The following ORC5 variants were observed in gnomAD, a reference collection of about 807,000 sequenced individuals.
ORC5 encodes the protein origin recognition complex subunit 5.
A neutral mutation model predicts 58.8 loss-of-function variants in ORC5; 39 were observed. That is an observed-to-expected ratio of 0.66 (90% CI 0.51 to 0.87). The LOEUF (loss-of-function observed/expected upper bound fraction) is 0.87, where lower values mean the gene tolerates loss of function less well. Ranked by LOEUF, ORC5 falls within the 40% of genes least tolerant of loss-of-function variation. The pLI is 0.00. For synonymous variants in ORC5, 218 were observed against 177.6 expected, an observed-to-expected ratio of 1.23 and a Z score of -1.81; for missense variants, 493 against 506.3, an observed-to-expected ratio of 0.97 and a Z score of 0.25.
intron 8 of ORC5, among the ~76,000 whole-genome samples, chr7:104,172,563 T>A (rs1217412225): frequency 1.3e-5 from 2 of 152,140 alleles, no homozygotes; most frequent in Non-Finnish European, 2.9e-5. Flanking sequence ...TAAAAAAAAT[T>A]GACTAGAAAG....
chr7:104,178,231 G>A lies in ORC5; in HGVS notation c.824+5712C>T, dbSNP rs115345599. ...ATTTCTCCACAGCCTCACCAGCATC[G>A]TTTCCTGACTTTTTAACAATAGCCA... On this transcript the variant is annotated intron_variant, in intron 8 of 13. Transcript: ENST00000297431. 6.1e-3 allele frequency among the ~76,000 whole-genome samples: 926 copies of A among 151,712 alleles called. 7 individuals are homozygous for A. The highest frequency in any genetic ancestry group is 0.021 in the African/African-American group (874 of 41,434).
chr7:104,179,923 A>T (rs962657087), intron 8 of ORC5, among the ~76,000 whole-genome samples: 5 of 152,146 alleles, frequency 3.3e-5, no homozygotes, highest in African/African-American at 1.2e-4. Context: ...AGCTCCTGTC[A>T]CTTTTTTCCT....
intron 11 of ORC5, among the ~76,000 whole-genome samples, chr7:104,163,893 G>T (rs1799064702): frequency 6.6e-6 from 1 of 152,186 alleles, no homozygotes; most frequent in African/African-American, 2.4e-5. Flanking sequence ...AGAACAGGCA[G>T]ACTCTCGCTC....
chr7:104,145,894 G>C (rs1036330331), intron 12 of ORC5, among the ~76,000 whole-genome samples: 1 of 152,130 alleles, frequency 6.6e-6, no homozygotes, highest in African/African-American at 2.4e-5. Context: ...CTGGATTAAA[G>C]AAGAATCCTG....
chr7:104,183,299 T>A (rs1799474342), intron 8 of ORC5, among the ~76,000 whole-genome samples: 2 of 152,172 alleles, frequency 1.3e-5, no homozygotes, highest in Non-Finnish European at 2.9e-5. Context: ...AAAAGAGTTC[T>A]GACACTGACT....
chr7:104,191,734 T>C lies in ORC5; in HGVS notation c.554-3353A>G, dbSNP rs140215689. Among the ~76,000 whole-genome samples the C allele has an allele frequency of 3.6e-3, 549 of 152,046 alleles. 3 individuals are homozygous for C. Among genetic ancestry groups the C allele is most frequent in the African/African-American group, 0.013 (520 of 41,466 alleles). ...TCAAATTCATTAAAAAAAAATCCCATCTATAATAGAAAGCTGAAAACAGTG... is the reference window on the plus strand; with the variant it reads ...TCAAATTCATTAAAAAAAAATCCCACCTATAATAGAAAGCTGAAAACAGTG... On this transcript the variant is annotated intron_variant, in intron 5 of 13. Coordinates refer to ENST00000297431, the MANE Select transcript of ORC5 (RefSeq NM_002553.4).
In ORC5 at chr7:104,153,106, T is replaced by C. The variant is rs189259689; in HGVS notation, c.1149+7966A>G. Among the ~76,000 whole-genome samples, 911 of 152,118 alleles carry C rather than the reference T, an allele frequency of 6.0e-3. 8 individuals carry two copies. The highest frequency in any genetic ancestry group is 0.021 in the African/African-American group (863 of 41,384). On this transcript the variant is annotated intron_variant, in intron 12 of 13. Transcript: ENST00000297431. ...TATCCCTGCGCAGTAAAATAAAATA[T>C]GCTGTGCTTTTTAGTATCCTTGGTA...
intron 3 of ORC5, among the ~76,000 whole-genome samples, chr7:104,199,718 G>A (rs192660184): frequency 1.9e-4 from 29 of 152,320 alleles, no homozygotes; most frequent in African/African-American, 6.7e-4. Flanking sequence ...GGACTTTTGG[G>A]CTAATTAAGC....
At chr7:104,149,048 A>G (rs1017964412) in intron 12 of ORC5, among the ~76,000 whole-genome samples, 1 of 152,072 alleles carries the variant, frequency 6.6e-6, no homozygotes, top group African/African-American at 2.4e-5. Context: ...AAAAAAAAAA[A>G]AAGTAAATTT....
chr7:104,152,680 T>C (rs1374133292), intron 12 of ORC5, among the ~76,000 whole-genome samples: 1 of 152,168 alleles, frequency 6.6e-6, no homozygotes, highest in Non-Finnish European at 1.5e-5. Flanking sequence ...GCTAAAAATC[T>C]GCCAAGTTAA....
At chr7:104,159,134 A>T (rs528550990) in intron 12 of ORC5, among the ~76,000 whole-genome samples, 1 of 151,118 alleles carries the variant, frequency 6.6e-6, no homozygotes, top group African/African-American at 2.5e-5. Flanking sequence ...ACACCATGGA[A>T]TACTATGCAG....
intron 5 of ORC5, among the ~76,000 whole-genome samples, chr7:104,193,224 TATA>T (rs1219027048): frequency 5.3e-5 from 8 of 152,074 alleles, no homozygotes; most frequent in African/African-American, 1.7e-4. Flanking sequence ...ATCTGAGGTT[TATA>T]ATAATAGTTG....
rs758004122 is a variant in ORC5 at position 104,174,281 on chromosome 7, CAGCCTAGCTAATTAAA to C, written c.825-5772_825-5757del. ...AAATAAACATTCTAAATGGTGGGCA[CAGCCTAGCTAATTAAA>C]AGCCACTACGATGGTCCCCACCATC... On this transcript the variant is annotated intron_variant, in intron 8 of 13. Transcript: ENST00000297431. Among the ~76,000 whole-genome samples, 58 of 152,290 alleles carry C rather than the reference CAGCCTAGCTAATTAAA, an allele frequency of 3.8e-4. No individual in the cohort carries two copies. In the Middle Eastern group the frequency reaches 0.02, roughly 54 times the overall value.
rs145659622 is a variant in ORC5 at position 104,205,839 on chromosome 7, A to G, written c.73-1605T>C. On this transcript the variant is annotated intron_variant, in intron 1 of 13. Transcript: ENST00000297431. ...CGCCTGGGAAATACAGTGAAACCCC[A>G]TCTCTACAAAAAACACAAAAATAGC... 6.9e-3 allele frequency among the ~76,000 whole-genome samples: 1,056 copies of G among 152,212 alleles called. 11 individuals are homozygous for G. Among genetic ancestry groups the G allele is most frequent in the African/African-American group, 0.024 (1,005 of 41,532 alleles).
At chr7:104,188,432 C>A in intron 5 of ORC5, 51 bp from the exon 6 acceptor site, 4 of 1,399,664 alleles carry the variant, frequency 2.9e-6, no homozygotes, top group South Asian at 1.5e-5. Flanking sequence ...GTACACTAAT[C>A]ATATCTTCAA....
At chr7:104,134,079 G>A (rs1674176768) in intron 13 of ORC5, among the ~76,000 whole-genome samples, 1 of 152,148 alleles carries the variant, frequency 6.6e-6, no homozygotes, top group South Asian at 2.1e-4. Flanking sequence ...AGTGAAGACT[G>A]AACAGAATGA....
chr7:104,163,197 C>T (rs906195293), intron 11 of ORC5, among the ~76,000 whole-genome samples: 14 of 152,214 alleles, frequency 9.2e-5, no homozygotes, highest in African/African-American at 3.1e-4. Context: ...TCTGCCAACA[C>T]TGTTTCTTCT....
chr7:104,134,993 A>T (rs561534000), intron 13 of ORC5, among the ~76,000 whole-genome samples: 9 of 152,280 alleles, frequency 5.9e-5, no homozygotes, highest in African/African-American at 1.7e-4. Flanking sequence ...CCAGGTCTAA[A>T]GTTCTTGCTT....
At chr7:104,181,586 C>T (rs11773044) in intron 8 of ORC5, among the ~76,000 whole-genome samples, 20,649 of 151,800 alleles carry the variant, frequency 0.14, 1,743 homozygotes, top group South Asian at 0.22. Flanking sequence ...GAGATCAAGA[C>T]CATCCTGGCT....
Sources: allele counts gnomAD v4.1 joint callset (sites outside exome capture counted in the v4.1 genomes callset), GRCh38; gene constraint gnomAD v4.1.1; transcripts MANE v1.5; gene names NCBI Gene and HGNC (gene_info 2026-07-23, HGNC 2026-07-21).